Variants in WDR1 observed in about 807,000 individuals in gnomAD.
WDR1 encodes the protein WD repeat-containing protein 1.
In WDR1, 21 loss-of-function variants were observed where a neutral mutation model predicts 71.9. The observed-to-expected ratio is 0.29, with a 90% CI of 0.21 to 0.42. The LOEUF is 0.42. Among genes scored for constraint, WDR1 ranks in the 10% least tolerant of loss-of-function variants. The pLI is 1.00. For missense variants in WDR1, 696 were observed against 824.5 expected (o/e 0.84, Z 1.91); for synonymous variants, 424 against 347.4 (o/e 1.22, Z -2.45).
intron 2 of WDR1, 159 bp downstream of exon 2, chr4:10,115,954 G>T (rs1713692004): frequency 1.0e-6 from 1 of 965,758 alleles, no homozygotes. Context: ...TCTGAGGCCG[G>T]CTTCCGGGGC....
intron 8 of WDR1, among the ~76,000 whole-genome samples, chr4:10,085,059 G>C (rs1333797667): frequency 6.6e-6 from 1 of 152,220 alleles, no homozygotes; most frequent in Admixed American, 6.5e-5. Context: ...GAACGCTGAC[G>C]CTCCTACCCT....
At chr4:10,112,469 G>A (rs1380874266) in intron 2 of WDR1, among the ~76,000 whole-genome samples, 1 of 152,188 alleles carries the variant, frequency 6.6e-6, no homozygotes, top group African/African-American at 2.4e-5. Flanking sequence ...TCACTCTACA[G>A]AGGAGAGTTG....
chr4:10,106,702 A>G (rs1713040393), intron 2 of WDR1: 1 of 152,186 alleles, frequency 6.6e-6, no homozygotes, highest in South Asian at 2.1e-4. Context: ...GGGCAACAGA[A>G]TCCTGCCAGC....
intron 12 of WDR1, 138 bp from the exon 13 acceptor site, chr4:10,078,064 T>TGG: frequency 2.7e-6 from 3 of 1,107,892 alleles, no homozygotes; most frequent in Non-Finnish European, 3.7e-6. Context: ...TGCCAGGAGC[T>TGG]GGGCATGGCT....
chr4:10,104,034 A>G (rs1387804591), intron 2 of WDR1, 48 bp from the exon 3 acceptor site: 1 of 1,539,112 alleles, frequency 6.5e-7, no homozygotes, highest in South Asian at 1.2e-5. Flanking sequence ...AGAAGCAGTC[A>G]AGCTTCCAGC....
At chr4:10,116,608 G>C in intron 1 of WDR1, 43 bp downstream of exon 1, 1 of 1,193,216 alleles carries the variant, frequency 8.4e-7, no homozygotes, top group Non-Finnish European at 1.0e-6. Flanking sequence ...CGGGGCCGGG[G>C]CAGCGCGGCG....
intron 6 of WDR1, 23 bp downstream of exon 6, chr4:10,088,641 C>A: frequency 6.3e-7 from 1 of 1,585,892 alleles, no homozygotes; most frequent in South Asian, 1.1e-5. Context: ...ATTCCCCACC[C>A]CAAAACCCAT....
At chr4:10,087,638 C>T in intron 8 of WDR1, 69 bp downstream of exon 8, 1 of 1,442,702 alleles carries the variant, frequency 6.9e-7, no homozygotes, top group Non-Finnish European at 9.3e-7. Flanking sequence ...GGTTCCCCTT[C>T]CTTGCTGGCC....
chr4:10,113,726 T>TA (rs1357099700), intron 2 of WDR1, among the ~76,000 whole-genome samples: 2 of 152,206 alleles, frequency 1.3e-5, no homozygotes, highest in African/African-American at 4.8e-5. Context: ...GGAAATCTGT[T>TA]AGATTCTGAA....
At chr4:10,081,502 G>A (rs1353791677) in intron 10 of WDR1, 58 bp from the exon 11 acceptor site, 7 of 1,521,442 alleles carry the variant, frequency 4.6e-6, no homozygotes, top group Middle Eastern at 1.7e-4. Context: ...GGGTAGGTAT[G>A]CATACATATT....
chr4:10,084,391 T>G (rs2241474), intron 9 of WDR1, 52 bp downstream of exon 9: 6 of 1,551,318 alleles, frequency 3.9e-6, no homozygotes, highest in East Asian at 2.3e-5. Context: ...GAACAGGAAA[T>G]TCCCCCCTAG....
At chr4:10,113,585 G>GAC (rs34823666) in intron 2 of WDR1, among the ~76,000 whole-genome samples, 18,287 of 152,216 alleles carry the variant, frequency 0.12, 1,424 homozygotes, top group East Asian at 0.35. Flanking sequence ...CCACTCCAGC[G>GAC]AGTGTTGTGA....
chr4:10,081,761 T>A (rs2109642805), intron 10 of WDR1, among the ~76,000 whole-genome samples: 1 of 151,970 alleles, frequency 6.6e-6, no homozygotes, highest in Middle Eastern at 3.4e-3. Context: ...GTGGCTTTTG[T>A]CCCCCTGTCT....
chr4:10,112,347 G>A (rs976891632), intron 2 of WDR1, among the ~76,000 whole-genome samples: 2 of 152,100 alleles, frequency 1.3e-5, no homozygotes, highest in Non-Finnish European at 1.5e-5. Flanking sequence ...TCCCTTCTCC[G>A]TGGGGAACTA....
At chr4:10,115,917 G>A (rs1004753575) in intron 2 of WDR1, 196 bp downstream of exon 2, 1 of 659,190 alleles carries the variant, frequency 1.5e-6, no homozygotes, top group South Asian at 2.0e-5. Flanking sequence ...TCCTCATCAA[G>A]AAGGAGCAGA....
At chr4:10,113,059 T>C (rs1032587254) in intron 2 of WDR1, among the ~76,000 whole-genome samples, 3 of 152,180 alleles carry the variant, frequency 2.0e-5, no homozygotes, top group African/African-American at 7.2e-5. Context: ...CATCTAAGTA[T>C]AAACCAAAGG....
chr4:10,112,480 C>T (rs1384142560), intron 2 of WDR1, among the ~76,000 whole-genome samples: 1 of 152,130 alleles, frequency 6.6e-6, no homozygotes, highest in Non-Finnish European at 1.5e-5. Flanking sequence ...AGGAGAGTTG[C>T]CTCTCCAGGT....
chr4:10,103,848 C>A, intron 3 of WDR1, 48 bp downstream of exon 3: 1 of 1,525,552 alleles, frequency 6.6e-7, no homozygotes, highest in South Asian at 1.2e-5. Context: ...GCCCTGAGCG[C>A]CACCCAGGCC....
At chr4:10,080,885 A>C (rs1764988856) in intron 11 of WDR1, among the ~76,000 whole-genome samples, 1 of 152,228 alleles carries the variant, frequency 6.6e-6, no homozygotes, top group African/African-American at 2.4e-5. Context: ...AGATGGTGTA[A>C]GGAGACTTAC....
Sources: allele counts gnomAD v4.1 joint callset (sites outside exome capture counted in the v4.1 genomes callset), GRCh38; gene constraint gnomAD v4.1.1; transcripts MANE v1.5; gene names NCBI Gene and HGNC (gene_info 2026-07-23, HGNC 2026-07-21).